The following RNF145 variants were observed in gnomAD, a reference collection of about 807,000 sequenced individuals.
RNF145 encodes ring finger protein 145.
A neutral mutation model predicts 57.3 loss-of-function variants in RNF145; 12 were observed. The ratio of observed to expected loss-of-function variants is 0.21; its 90% CI spans 0.13 to 0.34. The LOEUF is 0.34. RNF145 is among the 10% of genes least tolerant of loss of function. RNF145 has a pLI of 1.00. For missense variants in RNF145, 429 were observed against 799.0 expected (o/e 0.54, Z 5.58); for synonymous variants, 262 against 288.3 (o/e 0.91, Z 0.92).
intron 3 of RNF145, 93 bp from the exon 4 acceptor site, chr5:159,182,144 C>T (rs188087583): frequency 1.5e-6 from 1 of 677,366 alleles, no homozygotes; most frequent in African/African-American, 1.8e-5. Flanking sequence ...TAATGATACC[C>T]CTTTCCATAT....
In RNF145 at chr5:159,209,437, G is replaced by T. The variant is rs1331316251; in HGVS notation, c.-246C>A. ...AGCGGCAGCGGCAGCGGCCCGGCCC[G>T]TACGGTCACCATCGTCCGCGGCAGC... is the stretch of plus-strand genomic sequence containing the variant. On this transcript the variant is annotated 5_prime_UTR_variant, in exon 1 of 11. Coordinates refer to ENST00000424310, the MANE Select transcript of RNF145 (RefSeq NM_001199383.2). 2 of 984,866 alleles carry T rather than the reference G, an allele frequency of 2.0e-6. No individual in the cohort carries two copies. Among genetic ancestry groups the T allele is most frequent in the South Asian group, 4.5e-5 (1 of 22,078 alleles). 61.0% of individuals were successfully genotyped at this position (984,866 alleles called of 1,614,324 possible).
At chr5:159,169,915 CTCAT>C in intron 6 of RNF145, 96 bp from the exon 7 acceptor site, 1 of 1,005,942 alleles carries the variant, frequency 9.9e-7, no homozygotes, top group Non-Finnish European at 1.4e-6. Flanking sequence ...TGATTTGATA[CTCAT>C]TAATTAAAAC....
chr5:159,185,038 G>A (rs1562063562), intron 3 of RNF145, among the ~76,000 whole-genome samples: 1 of 152,054 alleles, frequency 6.6e-6, no homozygotes, highest in Non-Finnish European at 1.5e-5. Context: ...CTCCAATACT[G>A]TACTGCCCCC....
intron 1 of RNF145, among the ~76,000 whole-genome samples, chr5:159,204,297 C>A (rs938782996): frequency 3.3e-5 from 5 of 151,976 alleles, no homozygotes; most frequent in Non-Finnish European, 7.4e-5. Context: ...TCATCAAATT[C>A]TTCCCTTGAT....
At chr5:159,208,226 G>T in intron 1 of RNF145, 1 of 1,185,472 alleles carries the variant, frequency 8.4e-7, no homozygotes, top group Non-Finnish European at 1.1e-6. Flanking sequence ...GCAGCAACCG[G>T]GCCGCCGCCG....
intron 3 of RNF145, among the ~76,000 whole-genome samples, chr5:159,184,856 T>C (rs1379630104): frequency 6.6e-6 from 1 of 152,154 alleles, no homozygotes; most frequent in Non-Finnish European, 1.5e-5. Context: ...ATTTTTGCTT[T>C]CTCTATACTC....
At position 159,207,575 on chromosome 5, in the gene RNF145, A is replaced by G. The variant is rs1029225570; in HGVS notation, c.-40+1656T>C. On this transcript the variant is annotated intron_variant, in intron 1 of 10. Transcript: ENST00000424310. Reference sequence around the variant, plus strand: ...TAAATTTTCGGGCTGTCCATCGGTTAGGATGGTAGGCCTCACTGAAAATGT... The same window carrying G: ...TAAATTTTCGGGCTGTCCATCGGTTGGGATGGTAGGCCTCACTGAAAATGT... The G allele has an allele frequency of 2.4e-5, 38 of 1,594,758 alleles. No individual in the cohort carries two copies. The Middle Eastern group carries it at 8.4e-4, about 35-fold the overall frequency.
intron 2 of RNF145, among the ~76,000 whole-genome samples, chr5:159,195,125 T>C (rs1414036192): frequency 6.6e-6 from 1 of 152,312 alleles, no homozygotes; most frequent in South Asian, 2.1e-4. Context: ...CTTACTTGTT[T>C]TATGCCAATT....
intron 7 of RNF145, 111 bp from the exon 8 acceptor site, chr5:159,169,166 T>G (rs1466035053): frequency 4.6e-5 from 40 of 864,552 alleles, no homozygotes; most frequent in Admixed American, 1.3e-4. Context: ...TTAAATCTAT[T>G]CTGACTTAAT....
intron 7 of RNF145, among the ~76,000 whole-genome samples, chr5:159,169,260 T>C (rs1356654534): frequency 6.6e-6 from 1 of 152,204 alleles, no homozygotes; most frequent in Non-Finnish European, 1.5e-5. Flanking sequence ...AAAGGCATAA[T>C]AGCTATTACT....
intron 1 of RNF145, among the ~76,000 whole-genome samples, chr5:159,206,022 T>C (rs1005273971): frequency 3.3e-5 from 5 of 152,136 alleles, no homozygotes; most frequent in African/African-American, 4.8e-5. Flanking sequence ...AAAAGTCCAT[T>C]AGCAGAATGG....
rs1786031507 is a variant in RNF145 at position 159,209,504 on chromosome 5, T to TCGGCGGCCGCGGCGG, written c.-314_-313insCCGCCGCGGCCGCCG. On this transcript the variant is annotated 5_prime_UTR_variant, in exon 1 of 11. Coordinates refer to ENST00000424310, the MANE Select transcript of RNF145 (RefSeq NM_001199383.2). ...AGCCCCTTAGCAGCCGGCGCCGGCG[T>TCGGCGGCCGCGGCGG]CGGCGGCCATGGCCTCCTGCGTTTG... The TCGGCGGCCGCGGCGG allele has an allele frequency of 1.0e-6, 1 of 965,428 alleles. No individual in the cohort carries two copies. Among genetic ancestry groups the TCGGCGGCCGCGGCGG allele is most frequent in the South Asian group, 4.6e-5 (1 of 21,686 alleles). 59.8% of individuals were successfully genotyped at this position (965,428 alleles called of 1,614,324 possible).
chr5:159,190,764 C>T (rs1785262964), intron 3 of RNF145, among the ~76,000 whole-genome samples: 1 of 150,870 alleles, frequency 6.6e-6, no homozygotes, highest in South Asian at 2.1e-4. Flanking sequence ...CTAAAACCTT[C>T]AACCTCAATG....
chr5:159,177,304 C>G (rs1373344391), intron 4 of RNF145, among the ~76,000 whole-genome samples: 1 of 152,048 alleles, frequency 6.6e-6, no homozygotes, highest in African/African-American at 2.4e-5. Flanking sequence ...CATACTGCAA[C>G]AATATTTGTT....
intron 2 of RNF145, among the ~76,000 whole-genome samples, chr5:159,198,997 A>T (rs1020041178): frequency 6.6e-6 from 1 of 152,142 alleles, no homozygotes; most frequent in Non-Finnish European, 1.5e-5. Flanking sequence ...CATATATATA[A>T]AATTCATTCA....
chr5:159,167,928 A>G (rs550731640), intron 8 of RNF145, among the ~76,000 whole-genome samples: 15 of 152,278 alleles, frequency 9.9e-5, no homozygotes, highest in African/African-American at 1.7e-4. Flanking sequence ...ATACAATTCT[A>G]CCTCCCAAGA....
chr5:159,191,996 T>C (rs549062125), intron 3 of RNF145, among the ~76,000 whole-genome samples: 1 of 151,504 alleles, frequency 6.6e-6, no homozygotes, highest in Non-Finnish European at 1.5e-5. Flanking sequence ...CAGCCCTCCA[T>C]ATTCACTGGG....
At chr5:159,159,391 AC>A (rs1444086626) in intron 10 of RNF145, among the ~76,000 whole-genome samples, 1 of 152,336 alleles carries the variant, frequency 6.6e-6, no homozygotes, top group East Asian at 1.9e-4. Context: ...TATAATTACA[AC>A]CTCAGAAAAT....
intron 5 of RNF145, among the ~76,000 whole-genome samples, chr5:159,175,800 T>A (rs1457127602): frequency 6.6e-6 from 1 of 152,182 alleles, no homozygotes; most frequent in Non-Finnish European, 1.5e-5. Flanking sequence ...TTAGCTGTTA[T>A]CAGTTTGTTC....
Sources: allele counts gnomAD v4.1 joint callset (sites outside exome capture counted in the v4.1 genomes callset), GRCh38; gene constraint gnomAD v4.1.1; transcripts MANE v1.5; gene names NCBI Gene and HGNC (gene_info 2026-07-23, HGNC 2026-07-21).